COL4A4: variants seen among roughly 807,000 people sequenced by gnomAD.
COL4A4 encodes collagen type IV alpha 4 chain.
Under a neutral mutation model 192.9 loss-of-function variants are expected in COL4A4, and 105 were observed. The observed-to-expected ratio is 0.54, with a 90% confidence interval of 0.46 to 0.64. COL4A4 has a LOEUF of 0.64. Among genes scored for constraint, COL4A4 ranks in the 30% least tolerant of loss-of-function variants. COL4A4 has a pLI of 0.00. For synonymous variants in COL4A4, 762 were observed against 769.9 expected (o/e 0.99, Z 0.17); for missense variants, 1,967 against 2,169.3 (o/e 0.91, Z 1.85).
chr2:227,126,068 C>T (rs6753329), intron 4 of COL4A4, among the ~76,000 whole-genome samples: 56,971 of 151,808 alleles, frequency 0.38, 11,020 homozygotes, highest in Non-Finnish European at 0.41. Flanking sequence ...GGAAAATATT[C>T]GAAAATCAAT....
the COL4A4 span, among the ~76,000 whole-genome samples, chr2:226,984,051 G>C: frequency 6.6e-6 from 1 of 152,136 alleles, no homozygotes; most frequent in African/African-American, 2.4e-5. Context: ...TGCTGTCTCC[G>C]GCAATTATGA....
the COL4A4 span, among the ~76,000 whole-genome samples, chr2:226,994,795 GT>G: frequency 2.0e-5 from 3 of 152,256 alleles, no homozygotes; most frequent in East Asian, 5.8e-4. Flanking sequence ...TACAAACTGT[GT>G]TTTTGGTAAG....
chr2:227,144,676 C>A, intron 2 of COL4A4, 118 bp from the exon 3 acceptor site: 1 of 772,346 alleles, frequency 1.3e-6, no homozygotes, highest in East Asian at 2.7e-5. Flanking sequence ...GAGGCTGCTC[C>A]TACTAGCCGA....
At chr2:226,971,842 G>A in the COL4A4 span, among the ~76,000 whole-genome samples, 1 of 151,486 alleles carries the variant, frequency 6.6e-6, no homozygotes, top group Non-Finnish European at 1.5e-5. Flanking sequence ...TTTCTTCAAA[G>A]CTCTAGAATT....
At chr2:227,050,932 G>A (rs777931521) in intron 33 of COL4A4, 45 bp downstream of exon 33, 11 of 1,611,438 alleles carry the variant, frequency 6.8e-6, no homozygotes, top group Non-Finnish European at 9.3e-6. Context: ...CCTAAGAACA[G>A]AAAGGTTTTA....
intron 47 of COL4A4, 136 bp downstream of exon 47, chr2:227,007,882 G>T: frequency 9.1e-7 from 1 of 1,097,748 alleles, no homozygotes; most frequent in Non-Finnish European, 1.3e-6. Context: ...AACAGGCTAT[G>T]GTTTGCAACA....
chr2:227,135,643 A>AC (rs2062762301), intron 4 of COL4A4, among the ~76,000 whole-genome samples: 1 of 147,998 alleles, frequency 6.8e-6, no homozygotes, highest in African/African-American at 2.5e-5. Flanking sequence ...GCTGGAATCT[A>AC]TTTTTTTTTT....
chr2:227,150,036 A>G (rs950737800), intron 1 of COL4A4, among the ~76,000 whole-genome samples: 2 of 152,208 alleles, frequency 1.3e-5, no homozygotes, highest in Non-Finnish European at 2.9e-5. Flanking sequence ...TTTTATTCAC[A>G]GATGTATCCC....
intron 1 of COL4A4, among the ~76,000 whole-genome samples, chr2:227,157,535 C>A (rs997455767): frequency 6.6e-6 from 1 of 151,730 alleles, no homozygotes; most frequent in Non-Finnish European, 1.5e-5. Context: ...AACTGATAAA[C>A]CTGAAAACTT....
chr2:227,035,481 T>C (rs975765096), intron 37 of COL4A4, among the ~76,000 whole-genome samples: 1 of 151,362 alleles, frequency 6.6e-6, no homozygotes, highest in African/African-American at 2.4e-5. Context: ...ATTATTCTTT[T>C]AAGATCTAGG....
intron 1 of COL4A4, among the ~76,000 whole-genome samples, chr2:227,148,388 A>G (rs988827049): frequency 1.3e-5 from 2 of 152,260 alleles, no homozygotes; most frequent in Non-Finnish European, 2.9e-5. Flanking sequence ...GTGCCAAGTG[A>G]AAGAAGCCAC....
chr2:226,996,643 AT>A, the COL4A4 span: 4 of 152,250 alleles, frequency 2.6e-5, no homozygotes, highest in East Asian at 5.8e-4. Flanking sequence ...CATAATAGAT[AT>A]GCCTTCCAGA....
intron 16 of COL4A4, 57 bp from the exon 17 acceptor site, chr2:227,101,614 C>T: frequency 6.7e-7 from 1 of 1,503,508 alleles, no homozygotes; most frequent in Non-Finnish European, 9.2e-7. Context: ...GACAAATTAT[C>T]TCATTCTCAT....
intron 44 of COL4A4, among the ~76,000 whole-genome samples, chr2:227,016,076 C>G (rs1251958141): frequency 2.6e-5 from 4 of 152,062 alleles, no homozygotes; most frequent in Non-Finnish European, 5.9e-5. Flanking sequence ...CCCACCCCAC[C>G]CCTCACCCCA....
rs57119611 is a variant in COL4A4 at position 227,020,880 on chromosome 2, C to CTTTTTTTTTTTTTT, written c.4216+1154_4216+1167dup. Among the ~76,000 whole-genome samples, 124 of 127,554 alleles carry CTTTTTTTTTTTTTT rather than the reference C, an allele frequency of 9.7e-4. 12 individuals carry two copies. Among genetic ancestry groups the CTTTTTTTTTTTTTT allele is most frequent in the African/African-American group, 2.2e-3 (71 of 31,608 alleles). 83.7% of individuals were successfully genotyped at this position (127,554 alleles called of 152,430 possible). A position where few individuals can be genotyped will look rare whatever the true frequency, so the allele number is the denominator to read the frequency against. Reference sequence around the variant, plus strand: ...CAAACCATTCGGAGAACACTTTTTTCTTTTTTTTTTTTTTTTGAGATGGAG... The same window carrying CTTTTTTTTTTTTTT: ...CAAACCATTCGGAGAACACTTTTTTCTTTTTTTTTTTTTTTTTTTTTTTTTTTTTTGAGATGGAG... On this transcript the variant is annotated intron_variant, in intron 44 of 47. Transcript: ENST00000396625.
chr2:227,161,561 T>G (rs1453631318), intron 1 of COL4A4, among the ~76,000 whole-genome samples: 1 of 152,158 alleles, frequency 6.6e-6, no homozygotes, highest in African/African-American at 2.4e-5. Flanking sequence ...GTTTGACAGG[T>G]GAGCCTGTCA....
At position 227,031,870 on chromosome 2, in the gene COL4A4, G is replaced by T; in HGVS notation, c.3817+75C>A. ...CAGTGCTTCTATTCTGCCACTCTCT[G>T]GTCCCACATTCCTCCAGAGCTGGCA... is the stretch of plus-strand genomic sequence containing the variant. On this transcript the variant is annotated intron_variant, in intron 40 of 47. Transcript: ENST00000396625. 5.5e-6 allele frequency: 6 copies of T among 1,090,362 alleles called. No individual in the cohort carries two copies. The South Asian group carries it at 7.8e-5, about 14-fold the overall frequency. 67.5% of individuals were successfully genotyped at this position (1,090,362 alleles called of 1,614,324 possible).
intron 1 of COL4A4, among the ~76,000 whole-genome samples, chr2:227,151,287 A>G (rs970950046): frequency 6.6e-6 from 1 of 152,224 alleles, no homozygotes; most frequent in Non-Finnish European, 1.5e-5. Flanking sequence ...GGCTTTCATT[A>G]TAATTATTAG....
intron 4 of COL4A4, among the ~76,000 whole-genome samples, chr2:227,122,598 C>G (rs2061857354): frequency 6.6e-6 from 1 of 152,126 alleles, no homozygotes; most frequent in Non-Finnish European, 1.5e-5. Flanking sequence ...GCATGCCAGC[C>G]CTACTCTGGC....
Sources: allele counts gnomAD v4.1 joint callset (sites outside exome capture counted in the v4.1 genomes callset), GRCh38; gene constraint gnomAD v4.1.1; transcripts MANE v1.5; gene names NCBI Gene and HGNC (gene_info 2026-07-23, HGNC 2026-07-21).